KHDRBS2: variants seen among roughly 807,000 people sequenced by gnomAD.
KHDRBS2 encodes the protein KH RNA binding domain containing, signal transduction associated 2.
A neutral mutation model predicts 44.3 loss-of-function variants in KHDRBS2; 26 were observed. The observed-to-expected ratio is 0.59, with a 90% CI of 0.43 to 0.81. The LOEUF is 0.81. Ranked by LOEUF, KHDRBS2 falls within the 40% of genes least tolerant of loss-of-function variation. KHDRBS2 has a pLI of 0.00. For missense variants in KHDRBS2, 476 were observed against 433.1 expected (o/e 1.10, Z -0.88); for synonymous variants, 194 against 151.1 (o/e 1.28, Z -2.08).
At chr6:61,794,337 C>T (rs1361458367) in intron 6 of KHDRBS2, among the ~76,000 whole-genome samples, 1 of 152,144 alleles carries the variant, frequency 6.6e-6, no homozygotes, top group African/African-American at 2.4e-5. Context: ...CAGAATCCAG[C>T]AAATGCAGCC....
intron 2 of KHDRBS2, among the ~76,000 whole-genome samples, chr6:62,135,485 T>C (rs1811313105): frequency 6.6e-6 from 1 of 152,174 alleles, no homozygotes; most frequent in Non-Finnish European, 1.5e-5. Context: ...CTAAAAAGTA[T>C]TAAAAATAGA....
At chr6:61,713,575 C>T (rs1157165600) in intron 7 of KHDRBS2, among the ~76,000 whole-genome samples, 11 of 130,366 alleles carry the variant, frequency 8.4e-5, no homozygotes, top group African/African-American at 3.6e-4. Context: ...GATCTGATAC[C>T]TTTAGCTTTT....
intron 2 of KHDRBS2, among the ~76,000 whole-genome samples, chr6:62,061,093 A>C (rs1167212474): frequency 1.3e-5 from 2 of 151,884 alleles, no homozygotes; most frequent in Non-Finnish European, 2.9e-5. Flanking sequence ...GGTTTCCTGA[A>C]TACAGCACAC....
At chr6:62,207,939 C>A (rs1394736230) in intron 1 of KHDRBS2, among the ~76,000 whole-genome samples, 1 of 152,048 alleles carries the variant, frequency 6.6e-6, no homozygotes, top group Admixed American at 6.6e-5. Flanking sequence ...TGACAAAAAT[C>A]TCTAATACAA....
At chr6:61,614,440 C>T in the KHDRBS2 span, among the ~76,000 whole-genome samples, 4 of 152,310 alleles carry the variant, frequency 2.6e-5, no homozygotes, top group African/African-American at 4.8e-5. Context: ...GTGTGACAAC[C>T]TCAATTCACT....
chr6:62,028,652 T>C (rs542714153), intron 3 of KHDRBS2, among the ~76,000 whole-genome samples: 5 of 152,274 alleles, frequency 3.3e-5, no homozygotes, highest in Non-Finnish European at 7.4e-5. Context: ...TCTTGTGTTT[T>C]TTAAATCATA....
the KHDRBS2 span, among the ~76,000 whole-genome samples, chr6:61,559,401 C>A: frequency 2.0e-5 from 3 of 151,128 alleles, no homozygotes; most frequent in East Asian, 5.8e-4. Flanking sequence ...TTGGAGAGTT[C>A]AGTCTATTTA....
chr6:61,988,915 A>G (rs1444130478), intron 3 of KHDRBS2, among the ~76,000 whole-genome samples: 1 of 152,210 alleles, frequency 6.6e-6, no homozygotes, highest in East Asian at 1.9e-4. Context: ...CCATTTAAAC[A>G]CATGTCAACT....
At chr6:61,765,605 A>T (rs532764977) in intron 6 of KHDRBS2, among the ~76,000 whole-genome samples, 94 of 152,282 alleles carry the variant, frequency 6.2e-4, no homozygotes, top group African/African-American at 2.1e-3. Flanking sequence ...CCTGTTCAGA[A>T]TGATACTAGC....
At chr6:62,026,247 G>A (rs1783285497) in intron 3 of KHDRBS2, among the ~76,000 whole-genome samples, 1 of 151,414 alleles carries the variant, frequency 6.6e-6, no homozygotes, top group Non-Finnish European at 1.5e-5. Context: ...TTGGCAATAT[G>A]CAATGGAAGT....
chr6:62,177,123 A>G, intron 2 of KHDRBS2, 62 bp downstream of exon 2: 1 of 989,492 alleles, frequency 1.0e-6, no homozygotes, highest in Non-Finnish European at 1.5e-6. Flanking sequence ...AATAATTAAA[A>G]TACCGTCTTC....
intron 1 of KHDRBS2, among the ~76,000 whole-genome samples, chr6:62,241,461 C>A (rs1834656693): frequency 6.6e-6 from 1 of 151,850 alleles, no homozygotes; most frequent in Non-Finnish European, 1.5e-5. Flanking sequence ...AAATTGATTA[C>A]TAAGAAAACC....
rs866568304 is a variant in KHDRBS2, at chr6:61,701,086, A to T, written c.894-3833T>A. Among the ~76,000 whole-genome samples, 3 of 151,880 alleles carry T rather than the reference A, an allele frequency of 2.0e-5. No individual in the cohort carries two copies. In the Middle Eastern group the frequency reaches 0.01, roughly 517 times the overall value. On this transcript the variant is annotated intron_variant, in intron 7 of 8. Coordinates refer to ENST00000281156, the MANE Select transcript of KHDRBS2 (RefSeq NM_152688.4). ...AAGAAAAAAATACTTTAGGGTGAAAAACTGATGGCCCTTGTTATGCCATTG... is the reference window on the plus strand; with the variant it reads ...AAGAAAAAAATACTTTAGGGTGAAATACTGATGGCCCTTGTTATGCCATTG...
At chr6:62,094,909 C>A (rs1472916439) in intron 2 of KHDRBS2, among the ~76,000 whole-genome samples, 1 of 151,804 alleles carries the variant, frequency 6.6e-6, no homozygotes, top group East Asian at 1.9e-4. Flanking sequence ...TATTCTGTTC[C>A]ATTGGTCTAT....
intron 4 of KHDRBS2, among the ~76,000 whole-genome samples, chr6:61,922,290 G>T (rs538289397): frequency 3.3e-5 from 5 of 152,138 alleles, no homozygotes; most frequent in African/African-American, 1.2e-4. Context: ...GGGAACAACT[G>T]TGGTAAGCCC....
chr6:62,179,764 T>C (rs1020876524), intron 1 of KHDRBS2, among the ~76,000 whole-genome samples: 13 of 151,830 alleles, frequency 8.6e-5, no homozygotes, highest in Non-Finnish European at 1.6e-4. Flanking sequence ...CAGGCCAGGA[T>C]TAATTCTAAT....
At chr6:61,827,042 T>C (rs1282738748) in intron 6 of KHDRBS2, among the ~76,000 whole-genome samples, 2 of 152,338 alleles carry the variant, frequency 1.3e-5, no homozygotes, top group Middle Eastern at 3.4e-3. Context: ...TTAGAAAATA[T>C]ATGACAGCCA....
At chr6:62,097,908 G>T (rs1418647013) in intron 2 of KHDRBS2, among the ~76,000 whole-genome samples, 4 of 151,720 alleles carry the variant, frequency 2.6e-5, no homozygotes, top group Admixed American at 6.6e-5. Context: ...TTGCTTTGTG[G>T]TTATCATAAG....
At chr6:62,271,885 T>C (rs1373984754) in intron 1 of KHDRBS2, among the ~76,000 whole-genome samples, 1 of 152,136 alleles carries the variant, frequency 6.6e-6, no homozygotes, top group Non-Finnish European at 1.5e-5. Flanking sequence ...TAATTTATTA[T>C]TGAATACTTT....
Sources: gnomAD v4.1 joint callset for allele counts (sites outside exome capture counted in the v4.1 genomes callset) on GRCh38, gnomAD v4.1.1 for gene constraint, MANE v1.5 for transcripts, NCBI Gene and HGNC (gene_info 2026-07-23, HGNC 2026-07-21) for gene names.